The following TOLLIP variants were observed in gnomAD, a reference collection of about 807,000 sequenced individuals.
TOLLIP encodes toll-interacting protein.
TOLLIP carries 16 observed loss-of-function variants against 33.5 expected under a neutral mutation model. The observed-to-expected ratio is 0.48, with a 90% CI of 0.32 to 0.72. TOLLIP has a LOEUF of 0.72. TOLLIP is among the 30% of genes least tolerant of loss of function. The probability of loss-of-function intolerance (pLI) is 0.03; values close to 1 mark genes in which losing one functional copy is unlikely to be tolerated. For missense variants in TOLLIP, 325 were observed against 396.6 expected, an observed-to-expected ratio of 0.82 and a Z score of 1.53; for synonymous variants, 176 against 163.7, an observed-to-expected ratio of 1.07 and a Z score of -0.57.
Position 1,290,172 on chromosome 11 carries a change from G to A in TOLLIP, c.366+55C>T, listed in dbSNP as rs993977973. ...GCTGTGTTGGCAGGTGTGTCCCCAC[G>A]GCAGCCACGCTCAGCCACGTGCAGC... is the stretch of plus-strand genomic sequence containing the variant. On this transcript the variant is annotated intron_variant, in intron 3 of 5. Coordinates refer to ENST00000317204, the MANE Select transcript of TOLLIP (RefSeq NM_019009.4). The surrounding 1 kb of genome is among the most constrained non-coding windows in gnomAD (Gnocchi z 4.9). The A allele has an allele frequency of 1.1e-5, 17 of 1,571,428 alleles. No homozygotes were observed. The highest frequency in any genetic ancestry group is 2.3e-5 in the South Asian group (2 of 87,812).
intron 1 of TOLLIP, among the ~76,000 whole-genome samples, chr11:1,299,100 G>A (rs1189468202): frequency 6.6e-6 from 1 of 152,228 alleles, no homozygotes; most frequent in Non-Finnish European, 1.5e-5. Flanking sequence ...GGAGGGGAGC[G>A]TCGGCCAGGG....
chr11:1,300,348 G>A (rs188801479), intron 1 of TOLLIP, among the ~76,000 whole-genome samples: 1 of 152,334 alleles, frequency 6.6e-6, no homozygotes, highest in East Asian at 1.9e-4. Context: ...TGACGCCAGA[G>A]CTCTAAACCA....
intron 3 of TOLLIP, among the ~76,000 whole-genome samples, chr11:1,289,878 C>A: frequency 7.0e-6 from 1 of 143,512 alleles, no homozygotes; most frequent in Non-Finnish European, 1.5e-5. Context: ...GCGGCCAGAT[C>A]AGTGCCCAGC....
At chr11:1,305,183 C>G (rs1564981494) in intron 1 of TOLLIP, among the ~76,000 whole-genome samples, 1 of 152,230 alleles carries the variant, frequency 6.6e-6, no homozygotes, top group Non-Finnish European at 1.5e-5. Flanking sequence ...CACAGCAATT[C>G]CACACCTGTA....
intron 5 of TOLLIP, among the ~76,000 whole-genome samples, chr11:1,280,654 G>A (rs942318363): frequency 2.0e-5 from 3 of 152,026 alleles, no homozygotes; most frequent in African/African-American, 7.2e-5. Flanking sequence ...CTGCCTATGC[G>A]GGCCAGGCTG....
Position 1,276,670 on chromosome 11 carries a change from C to T in TOLLIP, c.*369G>A, listed in dbSNP as rs151256822. 66 of 1,351,790 alleles carry T rather than the reference C, an allele frequency of 4.9e-5. No homozygotes were observed. In the Middle Eastern group the frequency reaches 5.9e-4, roughly 12 times the overall value. 83.7% of individuals were successfully genotyped at this position (1,351,790 alleles called of 1,614,324 possible). A position where few individuals can be genotyped will look rare whatever the true frequency, so the allele number is the denominator to read the frequency against. On this transcript the variant is annotated 3_prime_UTR_variant, in exon 6 of 6. Transcript: ENST00000317204. ...GCTCTATTCCAATTACATCACATCA[C>T]AAAATGCCATGAATGGAATCGGAAG... is the stretch of plus-strand genomic sequence containing the variant.
Position 1,290,636 on chromosome 11 carries a change from C to T in TOLLIP, c.184-227G>A, listed in dbSNP as rs999739033. Among the ~76,000 whole-genome samples, 2 of 152,116 alleles carry T rather than the reference C, an allele frequency of 1.3e-5. No individual in the cohort carries two copies. Among genetic ancestry groups the T allele is most frequent in the East Asian group, 3.8e-4 (2 of 5,198 alleles). ...CAGTTCTGAGACAAAGCACGTGGCT[C>T]GTCCTTGACAGCAGAAACCTACGAC... On this transcript the variant is annotated intron_variant, in intron 2 of 5. Coordinates refer to ENST00000317204, the MANE Select transcript of TOLLIP (RefSeq NM_019009.4). The surrounding 1 kb of genome is among the most constrained non-coding windows in gnomAD (Gnocchi z 4.9).
intron 1 of TOLLIP, among the ~76,000 whole-genome samples, chr11:1,299,634 C>T (rs1033283034): frequency 5.9e-5 from 9 of 152,150 alleles, no homozygotes; most frequent in Admixed American, 1.3e-4. Context: ...TGATTACTCC[C>T]GATACATAAT....
chr11:1,306,101 T>C (rs1027435034), intron 1 of TOLLIP: 10 of 152,178 alleles, frequency 6.6e-5, no homozygotes, highest in East Asian at 1.9e-4. Flanking sequence ...GCAGACTATA[T>C]TGAAAAAAGG....
At chr11:1,283,312 C>A in intron 5 of TOLLIP, 1 of 331,962 alleles carries the variant, frequency 3.0e-6, no homozygotes, top group South Asian at 2.3e-5. Flanking sequence ...CCCCTCCAGG[C>A]CAAGGGAGGC....
chr11:1,308,068 T>C (rs1177815183), intron 1 of TOLLIP, among the ~76,000 whole-genome samples: 3 of 152,188 alleles, frequency 2.0e-5, no homozygotes, highest in Non-Finnish European at 4.4e-5. Flanking sequence ...CCACGGCATG[T>C]TCAGAGCCAC....
In TOLLIP at chr11:1,276,516, A is replaced by T. The variant is rs571614847; in HGVS notation, c.*523T>A. On this transcript the variant is annotated 3_prime_UTR_variant, in exon 6 of 6. Transcript: ENST00000317204. ...CCATCCACAGGAAGCTGCTCAGCTC[A>T]CCAGACCCAAGCCCTGGGCAGGGGC... 1.5e-5 allele frequency: 7 copies of T among 477,940 alleles called. No homozygotes were observed. The highest frequency in any genetic ancestry group is 1.4e-4 in the East Asian group (2 of 14,064). 29.6% of individuals were successfully genotyped at this position (477,940 alleles called of 1,614,324 possible).
intron 2 of TOLLIP, among the ~76,000 whole-genome samples, chr11:1,293,105 G>A (rs1037453325): frequency 6.6e-6 from 1 of 152,150 alleles, no homozygotes; most frequent in Non-Finnish European, 1.5e-5. Flanking sequence ...CTGTGCTGAG[G>A]GTCAGGCCTG....
Position 1,276,836 on chromosome 11 carries a change from G to A in TOLLIP, c.*203C>T, listed in dbSNP as rs1863320053. ...GACCTCCCAGCACGAGATGGGAGGG[G>A]AGCCCCCGCCCCGTCCTGGACCGCC... On this transcript the variant is annotated 3_prime_UTR_variant, in exon 6 of 6. Transcript: ENST00000317204. The A allele has an allele frequency of 6.5e-7, 1 of 1,531,868 alleles. No individual in the cohort carries two copies. Among genetic ancestry groups the A allele is most frequent in the Non-Finnish European group, 8.7e-7 (1 of 1,144,580 alleles). 94.9% of individuals were successfully genotyped at this position (1,531,868 alleles called of 1,614,324 possible).
At chr11:1,289,779 A>T (rs1024131437) in intron 3 of TOLLIP, among the ~76,000 whole-genome samples, 9 of 142,760 alleles carry the variant, frequency 6.3e-5, no homozygotes, top group African/African-American at 2.4e-4. Context: ...TGTCCCTGGA[A>T]ATCCCACCTG....
At position 1,290,171 on chromosome 11, in the gene TOLLIP, C is replaced by T. The variant is rs574838985; in HGVS notation, c.366+56G>A. 14 of 1,565,638 alleles carry T rather than the reference C, an allele frequency of 8.9e-6. No individual in the cohort carries two copies. Among genetic ancestry groups the T allele is most frequent in the African/African-American group, 5.4e-5 (4 of 74,062 alleles). On this transcript the variant is annotated intron_variant, in intron 3 of 5. Transcript: ENST00000317204. This position sits in a 1 kb window ranked among gnomAD's most constrained non-coding sequence, Gnocchi z 4.9. ...GGCTGTGTTGGCAGGTGTGTCCCCA[C>T]GGCAGCCACGCTCAGCCACGTGCAG...
intron 4 of TOLLIP, 102 bp downstream of exon 4, chr11:1,288,522 A>C (rs1863821470): frequency 2.2e-6 from 3 of 1,383,350 alleles, no homozygotes; most frequent in Non-Finnish European, 2.9e-6. Flanking sequence ...TTATGGGCTC[A>C]GTGCCTCCAG....
intron 4 of TOLLIP, among the ~76,000 whole-genome samples, chr11:1,288,305 GA>G (rs759333385): frequency 1.3e-5 from 2 of 152,220 alleles, no homozygotes; most frequent in Non-Finnish European, 2.9e-5. Context: ...GCAGAGCTTG[GA>G]AGGGCTGTGG....
chr11:1,292,148 C>CT (rs1303457971), intron 2 of TOLLIP: 2 of 152,276 alleles, frequency 1.3e-5, no homozygotes, highest in Non-Finnish European at 2.9e-5. Context: ...TGCTCAGCCT[C>CT]TAGCAGCTTC....
Sources: gnomAD v4.1 joint callset for allele counts (sites outside exome capture counted in the v4.1 genomes callset) on GRCh38, gnomAD v4.1.1 for gene constraint, Gnocchi (gnomAD v3.1) non-coding constraint, MANE v1.5 for transcripts, NCBI Gene and HGNC (gene_info 2026-07-23, HGNC 2026-07-21) for gene names.